The following MAF variants were observed in gnomAD, a reference collection of about 807,000 sequenced individuals.
The protein encoded by MAF is transcription factor Maf.
In MAF, 10 loss-of-function variants were observed where a neutral mutation model predicts 22.0. The ratio of observed to expected loss-of-function variants is 0.45; its 90% CI spans 0.28 to 0.77. The LOEUF (loss-of-function observed/expected upper bound fraction) is 0.77, where lower values mean the gene tolerates loss of function less well. Among genes scored for constraint, MAF ranks in the 30% least tolerant of loss-of-function variants. MAF has a pLI of 0.12. For missense variants in MAF, 544 were observed against 548.4 expected (o/e 0.99, Z 0.08); for synonymous variants, 337 against 255.8 (o/e 1.32, Z -3.03).
downstream of MAF, among the ~76,000 whole-genome samples, chr16:79,581,650 AG>A (rs1171898127): frequency 5.3e-5 from 8 of 151,258 alleles, no homozygotes; most frequent in African/African-American, 1.7e-4. Flanking sequence ...AGGACTAAAA[AG>A]AAATCGTCAC....
chr16:79,413,963 A>T, the MAF span, among the ~76,000 whole-genome samples: 1 of 152,184 alleles, frequency 6.6e-6, no homozygotes, highest in African/African-American at 2.4e-5. Context: ...AACACACCTG[A>T]GTTCAGATGC....
intron 1 of MAF, chr16:79,597,023 T>C (rs1275407186): frequency 1.2e-5 from 13 of 1,055,080 alleles, no homozygotes; most frequent in Admixed American, 5.4e-5. Context: ...GCGTTTCCCC[T>C]CTTAATACTT....
chr16:79,284,322 C>T, the MAF span, among the ~76,000 whole-genome samples: 84 of 152,286 alleles, frequency 5.5e-4, no homozygotes, highest in African/African-American at 2.0e-3. Flanking sequence ...AGGTGAAGGA[C>T]GGGTACTACT....
the MAF span, among the ~76,000 whole-genome samples, chr16:79,298,007 A>G: frequency 6.6e-6 from 1 of 152,226 alleles, no homozygotes; most frequent in Non-Finnish European, 1.5e-5. Flanking sequence ...CCAGCTATGT[A>G]ATTAGCAAGG....
At chr16:79,248,061 A>G in the MAF span, among the ~76,000 whole-genome samples, 1 of 152,194 alleles carries the variant, frequency 6.6e-6, no homozygotes, top group Non-Finnish European at 1.5e-5. Context: ...TTTGTCCTTA[A>G]TAAACCTCAG....
the MAF span, among the ~76,000 whole-genome samples, chr16:79,449,103 T>G: frequency 6.6e-6 from 1 of 152,214 alleles, no homozygotes; most frequent in Non-Finnish European, 1.5e-5. Flanking sequence ...ATAAGGAGCA[T>G]GCAGCCCAGA....
chr16:79,524,301 C>T, the MAF span, among the ~76,000 whole-genome samples: 1 of 152,190 alleles, frequency 6.6e-6, no homozygotes, highest in Non-Finnish European at 1.5e-5. Context: ...GCTCAGATTG[C>T]CTGCTCCACT....
the MAF span, among the ~76,000 whole-genome samples, chr16:79,485,557 T>A: frequency 7.2e-5 from 11 of 152,308 alleles, no homozygotes; most frequent in African/African-American, 2.6e-4. Context: ...GAAGTACACA[T>A]TGAATTTAGT....
At chr16:79,546,271 C>T in the MAF span, among the ~76,000 whole-genome samples, 1 of 146,870 alleles carries the variant, frequency 6.8e-6, no homozygotes, top group Admixed American at 6.9e-5. Flanking sequence ...ATTGGTAACC[C>T]AAATGAAAAT....
At chr16:79,232,837 C>CTTTTTT in the MAF span, among the ~76,000 whole-genome samples, 2 of 113,824 alleles carry the variant, frequency 1.8e-5, no homozygotes, top group East Asian at 2.4e-4. Flanking sequence ...ATAAGCCATT[C>CTTTTTT]TTTTTTTTTT....
the MAF span, among the ~76,000 whole-genome samples, chr16:79,265,809 C>G: frequency 6.6e-6 from 1 of 152,178 alleles, no homozygotes; most frequent in Non-Finnish European, 1.5e-5. Flanking sequence ...TTGCCAGCAT[C>G]TCGACTCTAG....
the MAF span, among the ~76,000 whole-genome samples, chr16:79,513,947 A>G: frequency 1.3e-5 from 2 of 152,170 alleles, no homozygotes; most frequent in African/African-American, 4.8e-5. Context: ...AATCCTCATC[A>G]AAGGAAAGAA....
chr16:79,305,880 G>A, the MAF span, among the ~76,000 whole-genome samples: 3 of 152,164 alleles, frequency 2.0e-5, no homozygotes, highest in Non-Finnish European at 2.9e-5. Context: ...CAGCCACTGC[G>A]TTTGCACTAT....
At chr16:79,384,527 G>A in the MAF span, among the ~76,000 whole-genome samples, 1 of 151,444 alleles carries the variant, frequency 6.6e-6, no homozygotes, top group Non-Finnish European at 1.5e-5. Flanking sequence ...GGAGGCCGAG[G>A]CAGGTGGATC....
At chr16:79,586,451 C>A (rs1912848409) in intron 1 of MAF, among the ~76,000 whole-genome samples, 1 of 152,214 alleles carries the variant, frequency 6.6e-6, no homozygotes, top group African/African-American at 2.4e-5. Context: ...GCTGGCACCA[C>A]TGACCTTAAC....
chr16:79,213,703 C>T, the MAF span, among the ~76,000 whole-genome samples: 1 of 151,258 alleles, frequency 6.6e-6, no homozygotes, highest in East Asian at 1.9e-4. Context: ...GTTAGTTAGA[C>T]ATGTAAGTGA....
At chr16:79,454,954 T>C in the MAF span, among the ~76,000 whole-genome samples, 1 of 151,562 alleles carries the variant, frequency 6.6e-6, no homozygotes, top group Admixed American at 6.6e-5. Flanking sequence ...AAATAAGCCA[T>C]GCATGGTGGC....
the MAF span, among the ~76,000 whole-genome samples, chr16:79,495,371 G>A: frequency 2.5e-3 from 388 of 152,224 alleles, 1 homozygote; most frequent in African/African-American, 8.9e-3. Context: ...GCTGAGGTAG[G>A]AGGATCACTT....
At chr16:79,313,830 A>G in the MAF span, among the ~76,000 whole-genome samples, 3 of 152,062 alleles carry the variant, frequency 2.0e-5, no homozygotes, top group African/African-American at 4.8e-5. Context: ...AGTCAGGGGG[A>G]TAGAGGTGTA....
Sources: allele counts gnomAD v4.1 joint callset (sites outside exome capture counted in the v4.1 genomes callset), GRCh38; gene constraint gnomAD v4.1.1; transcripts MANE v1.5; gene names NCBI Gene and HGNC (gene_info 2026-07-23, HGNC 2026-07-21).